The following CELA1 variants were observed in gnomAD, a reference collection of about 807,000 sequenced individuals.
CELA1 encodes the protein chymotrypsin-like elastase family member 1.
In CELA1, 28 loss-of-function variants were observed where a neutral mutation model predicts 34.8. The ratio of observed to expected loss-of-function variants is 0.80; its 90% CI spans 0.60 to 1.10. The LOEUF (loss-of-function observed/expected upper bound fraction) is 1.10. Among genes scored for constraint, CELA1 ranks in the 50% least tolerant of loss-of-function variants. CELA1 has a pLI of 0.00. For synonymous variants in CELA1, 140 were observed against 129.8 expected (o/e 1.08, Z -0.53); for missense variants, 288 against 327.5 (o/e 0.88, Z 0.93).
intron 1 of CELA1, 49 bp downstream of exon 1, chr12:51,346,574 T>C: frequency 2.0e-6 from 3 of 1,533,800 alleles, no homozygotes; most frequent in Non-Finnish European, 2.7e-6. Context: ...GGCCACATGA[T>C]CCACTTACCA....
intron 6 of CELA1, 70 bp from the exon 7 acceptor site, chr12:51,329,903 C>T (rs946268604): frequency 2.7e-5 from 39 of 1,423,406 alleles, no homozygotes; most frequent in South Asian, 1.4e-5. Flanking sequence ...CCCCCGCCCC[C>T]GTCTCTGGTT....
At chr12:51,337,954 G>A (rs190154597) in intron 6 of CELA1, among the ~76,000 whole-genome samples, 6 of 151,074 alleles carry the variant, frequency 4.0e-5, no homozygotes, top group Non-Finnish European at 7.4e-5. Context: ...GGCCAGGCGC[G>A]GTGGCTCATG....
chr12:51,342,812 A>G, intron 3 of CELA1, 112 bp from the exon 4 acceptor site: 1 of 990,920 alleles, frequency 1.0e-6, no homozygotes, highest in Non-Finnish European at 1.4e-6. Flanking sequence ...TATTTAGGAA[A>G]TTTTTTTTTT....
chr12:51,341,185 G>A (rs1471685914), intron 5 of CELA1, 59 bp downstream of exon 5: 1 of 1,598,886 alleles, frequency 6.3e-7, no homozygotes, highest in Non-Finnish European at 8.6e-7. Context: ...AGGTGTCTTA[G>A]AAGCTCAGCT....
chr12:51,334,464 T>G (rs895251494), intron 6 of CELA1, among the ~76,000 whole-genome samples: 1 of 152,066 alleles, frequency 6.6e-6, no homozygotes, highest in Non-Finnish European at 1.5e-5. Context: ...GACAGAGTCT[T>G]GCTCTGTTGC....
intron 2 of CELA1, among the ~76,000 whole-genome samples, chr12:51,344,560 A>G (rs11616158): frequency 1.3e-5 from 2 of 151,828 alleles, no homozygotes; most frequent in East Asian, 3.9e-4. Flanking sequence ...GCGTGGTGGC[A>G]TGCACCTGTA....
At position 51,340,149 on chromosome 12, in the gene CELA1, CCT is replaced by C; in HGVS notation, c.464-146_464-145del. 4.3e-6 allele frequency: 3 copies of C among 700,488 alleles called. No homozygotes were observed. The South Asian group carries it at 5.9e-5, about 14-fold the overall frequency. The allele number at this position is 700,488 out of a possible 1,614,324, so 43.4% of individuals were successfully genotyped here. On this transcript the variant is annotated intron_variant, in intron 5 of 7. Transcript: ENST00000293636. ...TCTCTCCCTGTTGCATGTGGTGGAT[CCT>C]CTGTCTTCTCTCTTTATATGGCCGC...
chr12:51,329,622 A>T, intron 7 of CELA1, 62 bp downstream of exon 7: 1 of 1,483,404 alleles, frequency 6.7e-7, no homozygotes, highest in Non-Finnish European at 9.0e-7. Flanking sequence ...TTGTTCCCCA[A>T]CCCAGCCAGT....
chr12:51,341,472 G>A (rs146694434), intron 4 of CELA1, 92 bp from the exon 5 acceptor site: 6 of 1,438,722 alleles, frequency 4.2e-6, no homozygotes, highest in East Asian at 4.6e-5. Context: ...TTGTATCCCC[G>A]TGGAATTGGA....
At chr12:51,340,388 CTTT>C (rs11315182) in intron 5 of CELA1, among the ~76,000 whole-genome samples, 1 of 121,516 alleles carries the variant, frequency 8.2e-6, no homozygotes, top group Non-Finnish European at 1.7e-5. Flanking sequence ...TTCTTTCTTT[CTTT>C]TTTTTTTTTT....
intron 3 of CELA1, 141 bp from the exon 4 acceptor site, chr12:51,342,841 T>C: frequency 1.1e-6 from 1 of 907,172 alleles, no homozygotes. Flanking sequence ...GATGGGGTTT[T>C]GCTGTGTTGC....
rs556444946 is a variant in CELA1 at position 51,339,279 on chromosome 12, G to T, written c.609+581C>A. ...CTAGGTAACAAATTTGGCTGGGCAT[G>T]GTGGCTCACGCCTGTAGTCCCAGCA... is the stretch of plus-strand genomic sequence containing the variant. On this transcript the variant is annotated intron_variant, in intron 6 of 7. Transcript: ENST00000293636. Among the ~76,000 whole-genome samples, 47 of 152,258 alleles carry T rather than the reference G, an allele frequency of 3.1e-4. No individual in the cohort carries two copies. The East Asian group carries it at 9.1e-3, about 29-fold the overall frequency.
intron 2 of CELA1, among the ~76,000 whole-genome samples, chr12:51,345,124 TC>T (rs1418027833): frequency 2.1e-5 from 2 of 97,166 alleles, no homozygotes; most frequent in Non-Finnish European, 5.1e-5. Flanking sequence ...AAACTCCATC[TC>T]AAAAAAAAAA....
rs548407156 is a variant in CELA1 at position 51,337,591 on chromosome 12, A to G, written c.609+2269T>C. Among the ~76,000 whole-genome samples the G allele has an allele frequency of 1.7e-4, 26 of 151,000 alleles. No homozygotes were observed. The East Asian group carries it at 4.3e-3, about 25-fold the overall frequency. On this transcript the variant is annotated intron_variant, in intron 6 of 7. Coordinates refer to ENST00000293636, the MANE Select transcript of CELA1 (RefSeq NM_001971.6). Reference sequence around the variant, plus strand: ...GCCATAAACAGTTTGTAAATGAGCAACTGTGACTGTGTTCCAGTGAAATGT... The same window carrying G: ...GCCATAAACAGTTTGTAAATGAGCAGCTGTGACTGTGTTCCAGTGAAATGT...
chr12:51,331,981 G>A (rs1946472526), intron 6 of CELA1, among the ~76,000 whole-genome samples: 1 of 152,048 alleles, frequency 6.6e-6, no homozygotes, highest in Non-Finnish European at 1.5e-5. Flanking sequence ...CCAGGAGTTT[G>A]AGACCAGCCT....
intron 2 of CELA1, among the ~76,000 whole-genome samples, chr12:51,345,368 A>AGT (rs1232984214): frequency 6.6e-6 from 1 of 152,230 alleles, no homozygotes; most frequent in Non-Finnish European, 1.5e-5. Flanking sequence ...GAAACTCTAA[A>AGT]TAGCCAACTA....
intron 5 of CELA1, 134 bp downstream of exon 5, chr12:51,341,110 G>C: frequency 1.2e-6 from 1 of 833,412 alleles, no homozygotes; most frequent in South Asian, 1.7e-5. Context: ...TAATGCATCA[G>C]TTATTGTATC....
At position 51,335,048 on chromosome 12, in the gene CELA1, G is replaced by C. The variant is rs17860336; in HGVS notation, c.609+4812C>G. Among the ~76,000 whole-genome samples the C allele has an allele frequency of 5.9e-3, 901 of 152,194 alleles. 5 individuals are homozygous for C. Among genetic ancestry groups the C allele is most frequent in the Non-Finnish European group, 9.5e-3 (644 of 68,008 alleles). Reference sequence around the variant, plus strand: ...ATGAGTAACTAGAAGCAATAATGTAGAACACCTGCCAACGTTCGGCTACCA... The same window carrying C: ...ATGAGTAACTAGAAGCAATAATGTACAACACCTGCCAACGTTCGGCTACCA... On this transcript the variant is annotated intron_variant, in intron 6 of 7. Coordinates refer to ENST00000293636, the MANE Select transcript of CELA1 (RefSeq NM_001971.6).
At chr12:51,339,487 G>A (rs1012204547) in intron 6 of CELA1, among the ~76,000 whole-genome samples, 7 of 152,058 alleles carry the variant, frequency 4.6e-5, no homozygotes, top group Admixed American at 3.9e-4. Context: ...AGAGGCGGAG[G>A]TTGCAGTGAG....
Sources: gnomAD v4.1 joint callset for allele counts (sites outside exome capture counted in the v4.1 genomes callset) on GRCh38, gnomAD v4.1.1 for gene constraint, MANE v1.5 for transcripts, NCBI Gene and HGNC (gene_info 2026-07-23, HGNC 2026-07-21) for gene names.